Variants in GPC5 observed in about 807,000 individuals in gnomAD.
The protein encoded by GPC5 is glypican 5.
A neutral mutation model predicts 53.9 loss-of-function variants in GPC5; 47 were observed. The observed-to-expected ratio is 0.87, with a 90% CI of 0.69 to 1.11. GPC5 has a LOEUF of 1.11. Among genes scored for constraint, GPC5 ranks in the 50% most tolerant of loss-of-function variants. The pLI, the probability that GPC5 is intolerant of heterozygous loss-of-function variation, is 0.00. For synonymous variants in GPC5, 286 were observed against 263.3 expected (o/e 1.09, Z -0.84); for missense variants, 748 against 713.1 (o/e 1.05, Z -0.56).
intron 7 of GPC5, among the ~76,000 whole-genome samples, chr13:92,155,236 A>G (rs1363557676): frequency 1.3e-5 from 2 of 152,004 alleles, no homozygotes; most frequent in African/African-American, 2.4e-5. Context: ...TAGTTAGCTC[A>G]CATGTTCTTT....
chr13:92,054,508 G>A (rs531891474), intron 6 of GPC5, among the ~76,000 whole-genome samples: 1 of 152,120 alleles, frequency 6.6e-6, no homozygotes, highest in South Asian at 2.1e-4. Context: ...TCTGATGCAG[G>A]CATTCTTAAA....
intron 7 of GPC5, among the ~76,000 whole-genome samples, chr13:92,326,998 C>A (rs2043256678): frequency 6.6e-6 from 1 of 152,064 alleles, no homozygotes; most frequent in South Asian, 2.1e-4. Context: ...ATCCTGTCTC[C>A]CTATCTGCCT....
chr13:92,761,023 T>C (rs890893447), intron 7 of GPC5, among the ~76,000 whole-genome samples: 3 of 152,198 alleles, frequency 2.0e-5, no homozygotes, highest in Non-Finnish European at 4.4e-5. Flanking sequence ...ATACTTGATA[T>C]GATTTAGATC....
chr13:92,392,189 C>T (rs1330211791), intron 7 of GPC5, among the ~76,000 whole-genome samples: 1 of 152,092 alleles, frequency 6.6e-6, no homozygotes, highest in East Asian at 1.9e-4. Flanking sequence ...AAATAACTTA[C>T]CACTTTTAAA....
intron 2 of GPC5, among the ~76,000 whole-genome samples, chr13:91,519,033 G>A (rs1241217810): frequency 1.3e-5 from 2 of 152,184 alleles, no homozygotes; most frequent in Non-Finnish European, 2.9e-5. Context: ...TACGGGACGT[G>A]TGAAAGGAAT....
chr13:91,960,080 A>G (rs902683190), intron 6 of GPC5, among the ~76,000 whole-genome samples: 1 of 152,010 alleles, frequency 6.6e-6, no homozygotes, highest in Non-Finnish European at 1.5e-5. Flanking sequence ...AGCCAGAGAA[A>G]TCAGGCAAGA....
At chr13:92,596,623 G>A (rs150951060) in intron 7 of GPC5, among the ~76,000 whole-genome samples, 342 of 152,068 alleles carry the variant, frequency 2.2e-3, no homozygotes, top group African/African-American at 7.3e-3. Flanking sequence ...ACATGCGCAC[G>A]CCACCACCCC....
At chr13:92,342,136 G>A (rs978291828) in intron 7 of GPC5, among the ~76,000 whole-genome samples, 10 of 151,994 alleles carry the variant, frequency 6.6e-5, no homozygotes, top group African/African-American at 2.2e-4. Context: ...ACTTCAAATT[G>A]TTTGATTCCT....
At chr13:92,487,603 T>C (rs1024027853) in intron 7 of GPC5, among the ~76,000 whole-genome samples, 1 of 152,114 alleles carries the variant, frequency 6.6e-6, no homozygotes, top group Non-Finnish European at 1.5e-5. Context: ...ATTTTTATCA[T>C]TGAACAGTGG....
rs549526301 is a variant in GPC5 at position 92,546,806 on chromosome 13, C to G, written c.1562-319476C>G. On this transcript the variant is annotated intron_variant, in intron 7 of 7. Transcript: ENST00000377067. The stretch of plus-strand genomic sequence containing the variant: ...CAGTAACCAAAACAGCATGGTACTG[C>G]TACCAAAACAGAGATATAGACCAAT... 2.1e-3 allele frequency among the ~76,000 whole-genome samples: 326 copies of G among 152,180 alleles called. 2 individuals carry two copies. Among genetic ancestry groups the G allele is most frequent in the African/African-American group, 7.5e-3 (310 of 41,508 alleles).
intron 6 of GPC5, among the ~76,000 whole-genome samples, chr13:92,127,477 G>C (rs1277671219): frequency 6.6e-6 from 1 of 152,078 alleles, no homozygotes; most frequent in African/African-American, 2.4e-5. Flanking sequence ...ATTCCCTACT[G>C]ATAGAACTAA....
chr13:92,067,861 G>A (rs1977400), intron 6 of GPC5, among the ~76,000 whole-genome samples: 84,098 of 151,606 alleles, frequency 0.55, 23,635 homozygotes, highest in East Asian at 0.79. Flanking sequence ...CACATATAAG[G>A]ACATATACCA....
At chr13:92,619,582 G>A (rs1014704597) in intron 7 of GPC5, among the ~76,000 whole-genome samples, 1 of 151,978 alleles carries the variant, frequency 6.6e-6, no homozygotes, top group African/African-American at 2.4e-5. Flanking sequence ...ATTTCAGTTT[G>A]ATAGTACAGA....
intron 7 of GPC5, among the ~76,000 whole-genome samples, chr13:92,831,708 G>A (rs1878050126): frequency 1.3e-5 from 2 of 152,256 alleles, no homozygotes; most frequent in Admixed American, 6.5e-5. Flanking sequence ...AGGTGTGTCT[G>A]GATCCAGGAG....
intron 7 of GPC5, among the ~76,000 whole-genome samples, chr13:92,632,481 TATATACAC>T (rs1885276029): frequency 7.6e-6 from 1 of 132,250 alleles, no homozygotes; most frequent in African/African-American, 2.8e-5. Flanking sequence ...TATATATATA[TATATACAC>T]ATATATATAT....
At chr13:92,734,151 C>A (rs536690837) in intron 7 of GPC5, among the ~76,000 whole-genome samples, 9 of 151,898 alleles carry the variant, frequency 5.9e-5, no homozygotes, top group Non-Finnish European at 1.3e-4. Flanking sequence ...TAGGCAATTG[C>A]TTATCTTCTC....
intron 2 of GPC5, 61 bp downstream of exon 2, chr13:91,448,983 A>C: frequency 6.5e-7 from 1 of 1,532,722 alleles, no homozygotes; most frequent in East Asian, 2.3e-5. Flanking sequence ...TGCCTAAGAT[A>C]GTTACGTTGG....
chr13:92,594,344 C>T (rs941491153), intron 7 of GPC5, among the ~76,000 whole-genome samples: 2 of 152,154 alleles, frequency 1.3e-5, no homozygotes, highest in Admixed American at 6.5e-5. Flanking sequence ...AGGCTCTGAA[C>T]ATGGGGATGG....
chr13:92,442,970 T>C (rs1323242444), intron 7 of GPC5, among the ~76,000 whole-genome samples: 1 of 152,198 alleles, frequency 6.6e-6, no homozygotes, highest in African/African-American at 2.4e-5. Flanking sequence ...TTAGACTGTT[T>C]TGCATTGCAA....
Sources: allele counts gnomAD v4.1 joint callset (sites outside exome capture counted in the v4.1 genomes callset), GRCh38; gene constraint gnomAD v4.1.1; transcripts MANE v1.5; gene names NCBI Gene and HGNC (gene_info 2026-07-23, HGNC 2026-07-21).